Variants in DLGAP3 observed in about 807,000 individuals in gnomAD.
The protein encoded by DLGAP3 is disks large-associated protein 3.
DLGAP3 carries 17 observed loss-of-function variants against 81.2 expected under a neutral mutation model. That is an observed-to-expected ratio of 0.21 (90% CI 0.14 to 0.31). The LOEUF (loss-of-function observed/expected upper bound fraction) is 0.31, where lower values mean the gene tolerates loss of function less well. Ranked by LOEUF, DLGAP3 falls within the 10% of genes least tolerant of loss-of-function variation. The pLI, the probability that DLGAP3 is intolerant of heterozygous loss-of-function variation, is 1.00. For missense variants in DLGAP3, 1,124 were observed against 1,388.0 expected (o/e 0.81, Z 3.02); for synonymous variants, 577 against 587.4 (o/e 0.98, Z 0.26).
At chr1:34,889,031 A>G (rs1639276461) in intron 5 of DLGAP3, among the ~76,000 whole-genome samples, 1 of 152,230 alleles carries the variant, frequency 6.6e-6, no homozygotes, top group South Asian at 2.1e-4. Context: ...CTGTATCTCT[A>G]GCCCTCTTCT....
In DLGAP3 at chr1:34,868,762, C is replaced by G; in HGVS notation, c.2328G>C (p.Glu776Asp). 2 of 1,605,750 alleles carry G rather than the reference C, an allele frequency of 1.2e-6. No individual in the cohort carries two copies. The highest frequency in any genetic ancestry group is 1.7e-6 in the Non-Finnish European group (2 of 1,179,518). ...PGAGRRDSWI[E>D]RGSRSLPDSG... is the part of the protein sequence containing the mutation. Reference sequence around the variant, plus strand: ...AGTCGGGGAGGCTACGTGAACCGCGCTCTATCCAGGAGTCACGGCGGCCGG... The same window carrying G: ...AGTCGGGGAGGCTACGTGAACCGCGGTCTATCCAGGAGTCACGGCGGCCGG... The change falls in exon 9 of 12, where the codon GAG becomes GAC. Residue 776 changes from glutamate to aspartate, a missense_variant. Coordinates refer to ENST00000373347, the MANE Select transcript of DLGAP3 (RefSeq NM_001080418.3). This position sits in a 1 kb window ranked among gnomAD's most constrained non-coding sequence, Gnocchi z 7.5.
intron 8 of DLGAP3, among the ~76,000 whole-genome samples, chr1:34,884,574 C>G (rs1639190697): frequency 6.6e-6 from 1 of 150,644 alleles, no homozygotes; most frequent in Non-Finnish European, 1.5e-5. Flanking sequence ...GAGAGGCAAT[C>G]TTCCCGTTTG....
chr1:34,873,406 T>C lies in DLGAP3; in HGVS notation c.2001-4317A>G, dbSNP rs1020390290. Among the ~76,000 whole-genome samples the C allele has an allele frequency of 6.6e-6, 1 of 152,238 alleles. No individual in the cohort carries two copies. The highest frequency in any genetic ancestry group is 1.5e-5 in the Non-Finnish European group (1 of 68,038). ...ACAGAGCGGTTAGGCCCGTGTGCTC[T>C]GGAGCCTTGCCCGGGTCCAAAACCC... On this transcript the variant is annotated intron_variant, in intron 8 of 11. Transcript: ENST00000373347. The surrounding 1 kb of genome is among the most constrained non-coding windows in gnomAD (Gnocchi z 4.2).
intron 5 of DLGAP3, among the ~76,000 whole-genome samples, chr1:34,886,860 A>G (rs1380476781): frequency 2.0e-5 from 3 of 149,764 alleles, no homozygotes; most frequent in African/African-American, 7.3e-5. Context: ...TATATAAAAT[A>G]CCAACTGGCA....
chr1:34,917,239 C>T (rs1639732252), intron 1 of DLGAP3, among the ~76,000 whole-genome samples: 1 of 152,160 alleles, frequency 6.6e-6, no homozygotes, highest in Non-Finnish European at 1.5e-5. Context: ...CAGCACCTGA[C>T]CTCATCTATA....
intron 8 of DLGAP3, among the ~76,000 whole-genome samples, chr1:34,883,993 G>A (rs756827769): frequency 4.0e-4 from 61 of 152,008 alleles, no homozygotes; most frequent in Non-Finnish European, 5.9e-4. Context: ...ATCTCAGCTC[G>A]CTGCAACCTC....
At chr1:34,903,823 T>C (rs1639500414) in intron 3 of DLGAP3, among the ~76,000 whole-genome samples, 1 of 152,168 alleles carries the variant, frequency 6.6e-6, no homozygotes, top group Admixed American at 6.5e-5. Context: ...ATCTTCATAT[T>C]CAAACATGTG....
rs192232185 is a variant in DLGAP3, at chr1:34,902,149, C to T, written c.1108-1876G>A. 5.3e-5 allele frequency among the ~76,000 whole-genome samples: 8 copies of T among 150,926 alleles called. No homozygotes were observed. The highest frequency in any genetic ancestry group is 2.0e-4 in the East Asian group (1 of 5,072). ...TCGGAAAATGAGGTGTAAGTGAAGACGTGGGGGAGAGGACTGGGGGAGGTA... is the reference window on the plus strand; with the variant it reads ...TCGGAAAATGAGGTGTAAGTGAAGATGTGGGGGAGAGGACTGGGGGAGGTA... On this transcript the variant is annotated intron_variant, in intron 3 of 11. Coordinates refer to ENST00000373347, the MANE Select transcript of DLGAP3 (RefSeq NM_001080418.3). The surrounding 1 kb of genome is among the most constrained non-coding windows in gnomAD (Gnocchi z 4.4).
At chr1:34,894,309 C>G (rs891143703) in intron 5 of DLGAP3, among the ~76,000 whole-genome samples, 4 of 142,742 alleles carry the variant, frequency 2.8e-5, no homozygotes, top group Non-Finnish European at 6.1e-5. Context: ...AGGAGACATA[C>G]CTTAAATCTG....
At chr1:34,892,866 T>A (rs1639332918) in intron 5 of DLGAP3, among the ~76,000 whole-genome samples, 1 of 152,144 alleles carries the variant, frequency 6.6e-6, no homozygotes, top group Non-Finnish European at 1.5e-5. Context: ...AACAACTCAC[T>A]TTTCATCAAA....
In DLGAP3 at chr1:34,873,520, A is replaced by T. The variant is rs1421467896; in HGVS notation, c.2001-4431T>A. On this transcript the variant is annotated intron_variant, in intron 8 of 11. Transcript: ENST00000373347. This position sits in a 1 kb window ranked among gnomAD's most constrained non-coding sequence, Gnocchi z 4.2. ...AAGATTGTTGTGAGATAATATCCAT[A>T]AAGAACTCAGAACAGCACCCTGCCT... Among the ~76,000 whole-genome samples, 1 of 152,194 alleles carries T rather than the reference A, an allele frequency of 6.6e-6. No individual in the cohort carries two copies. Among genetic ancestry groups the T allele is most frequent in the African/African-American group, 2.4e-5 (1 of 41,438 alleles).
Position 34,867,675 on chromosome 1 carries a change from C to A in DLGAP3, c.2486-48G>T. ...GGGAGGGAAATGATGCATCTCCTTC[C>A]CCAGCCTCCACGAAGTCTGCCCTGA... On this transcript the variant is annotated intron_variant, in intron 9 of 11. Coordinates refer to ENST00000373347, the MANE Select transcript of DLGAP3 (RefSeq NM_001080418.3). This position sits in a 1 kb window ranked among gnomAD's most constrained non-coding sequence, Gnocchi z 4.3. The A allele has an allele frequency of 3.4e-6, 5 of 1,478,982 alleles. No homozygotes were observed. The highest frequency in any genetic ancestry group is 4.7e-6 in the Non-Finnish European group (5 of 1,059,104). The allele number at this position is 1,478,982 out of a possible 1,614,324, so 91.6% of individuals were successfully genotyped here.
rs139079105 is a variant in DLGAP3, at chr1:34,890,154, G to A, written c.1387-3869C>T. ...CCCTAAGAATCTGTACCTACAAGCT[G>A]GTCCTCACACAGCCACGGTACAGTG... On this transcript the variant is annotated intron_variant, in intron 5 of 11. Transcript: ENST00000373347. Among the ~76,000 whole-genome samples the A allele has an allele frequency of 3.6e-3, 542 of 152,314 alleles. 2 individuals carry two copies. The highest frequency in any genetic ancestry group is 4.6e-3 in the Non-Finnish European group (314 of 68,030).
At chr1:34,914,866 C>T (rs1474064826) in intron 1 of DLGAP3, among the ~76,000 whole-genome samples, 1 of 152,188 alleles carries the variant, frequency 6.6e-6, no homozygotes, top group African/African-American at 2.4e-5. Flanking sequence ...CTTTTTCACG[C>T]ATGCAGGAAT....
chr1:34,927,171 A>G (rs1016262095), intron 1 of DLGAP3, among the ~76,000 whole-genome samples: 1 of 152,190 alleles, frequency 6.6e-6, no homozygotes, highest in Non-Finnish European at 1.5e-5. Context: ...CTCTTTGGCA[A>G]GGAGTCCCAA....
chr1:34,867,430 C>A lies in DLGAP3; in HGVS notation c.2577+106G>T. ...CCCAGAAGGCATGCAGGCCTGGTCT[C>A]ACCTCTGGTACACACTCACTCTGGG... On this transcript the variant is annotated intron_variant, in intron 10 of 11. Transcript: ENST00000373347. The surrounding 1 kb of genome is among the most constrained non-coding windows in gnomAD (Gnocchi z 4.3). The A allele has an allele frequency of 8.9e-7, 1 of 1,124,574 alleles. No homozygotes were observed. Among genetic ancestry groups the A allele is most frequent in the Non-Finnish European group, 1.4e-6 (1 of 735,400 alleles). The allele number at this position is 1,124,574 out of a possible 1,614,324, so 69.7% of individuals were successfully genotyped here. A position where few individuals can be genotyped will look rare whatever the true frequency, so the allele number is the denominator to read the frequency against.
chr1:34,870,636 G>A (rs1271369821), intron 8 of DLGAP3, among the ~76,000 whole-genome samples: 1 of 152,178 alleles, frequency 6.6e-6, no homozygotes, highest in East Asian at 1.9e-4. Context: ...TCTCCAACGA[G>A]CCCTATGTCC....
intron 8 of DLGAP3, among the ~76,000 whole-genome samples, chr1:34,880,032 C>T (rs1639121937): frequency 6.6e-6 from 1 of 152,030 alleles, no homozygotes; most frequent in Non-Finnish European, 1.5e-5. Context: ...TAAGTTTCAA[C>T]ATATGTATTT....
chr1:34,890,613 C>A (rs1027478544), intron 5 of DLGAP3, among the ~76,000 whole-genome samples: 1 of 152,334 alleles, frequency 6.6e-6, no homozygotes, highest in South Asian at 2.1e-4. Context: ...CTGTGAGTAG[C>A]CCTGTAGTGA....
Sources: gnomAD v4.1 joint callset for allele counts (sites outside exome capture counted in the v4.1 genomes callset) on GRCh38, gnomAD v4.1.1 for gene constraint, Gnocchi (gnomAD v3.1) non-coding constraint, MANE v1.5 for transcripts, NCBI Gene and HGNC (gene_info 2026-07-23, HGNC 2026-07-21) for gene names.